Variants in SPAG16 observed in about 807,000 individuals in gnomAD.
SPAG16 encodes the protein sperm-associated antigen 16 protein.
Under a neutral mutation model 80.4 loss-of-function variants are expected in SPAG16, and 86 were observed. The observed-to-expected ratio is 1.07, with a 90% CI of 0.90 to 1.28. SPAG16 has a LOEUF of 1.28. SPAG16 is among the 50% of genes most tolerant of loss of function. SPAG16 has a pLI of 0.00. For synonymous variants in SPAG16, 294 were observed against 265.9 expected, an observed-to-expected ratio of 1.11 and a Z score of -1.03; for missense variants, 870 against 765.3, an observed-to-expected ratio of 1.14 and a Z score of -1.61.
chr2:213,795,754 T>C (rs956802204), intron 10 of SPAG16, among the ~76,000 whole-genome samples: 1 of 152,148 alleles, frequency 6.6e-6, no homozygotes, highest in African/African-American at 2.4e-5. Flanking sequence ...TGTTTAAAAG[T>C]GTGTAGCATC....
At chr2:213,510,961 T>C (rs2075201656) in intron 10 of SPAG16, among the ~76,000 whole-genome samples, 1 of 152,156 alleles carries the variant, frequency 6.6e-6, no homozygotes, top group Admixed American at 6.5e-5. Flanking sequence ...TAAGTAATTC[T>C]GGTTTATAAA....
chr2:213,594,478 G>A (rs955046313), intron 10 of SPAG16, among the ~76,000 whole-genome samples: 1 of 152,132 alleles, frequency 6.6e-6, no homozygotes, highest in Non-Finnish European at 1.5e-5. Flanking sequence ...TATGACTGTT[G>A]TTTCATGCAT....
chr2:213,652,893 G>T (rs1381127935), intron 10 of SPAG16, among the ~76,000 whole-genome samples: 1 of 152,108 alleles, frequency 6.6e-6, no homozygotes. Flanking sequence ...TCATGATTCT[G>T]TGTCATGTCT....
chr2:213,883,422 G>A (rs11693135), intron 11 of SPAG16, among the ~76,000 whole-genome samples: 4,135 of 152,242 alleles, frequency 0.027, 78 homozygotes, highest in Middle Eastern at 0.044. Flanking sequence ...CTTGCTTCAT[G>A]ACCAATTATG....
rs573725273 is a variant in SPAG16, at chr2:214,307,634, C to T, written c.1721-102506C>T. On this transcript the variant is annotated intron_variant, in intron 15 of 15. Transcript: ENST00000331683. ...TCTCAAAGAACTTCTTGACTTCTATCTTAATTTCATTATTTACCCAAAAGT... is the reference window on the plus strand; with the variant it reads ...TCTCAAAGAACTTCTTGACTTCTATTTTAATTTCATTATTTACCCAAAAGT... Among the ~76,000 whole-genome samples, 4 of 152,242 alleles carry T rather than the reference C, an allele frequency of 2.6e-5. No individual in the cohort carries two copies. In the East Asian group the frequency reaches 7.7e-4, roughly 29 times the overall value.
intron 10 of SPAG16, among the ~76,000 whole-genome samples, chr2:213,553,699 G>A (rs576233010): frequency 6.6e-5 from 10 of 152,210 alleles, no homozygotes; most frequent in East Asian, 3.9e-4. Context: ...TACAATAGGC[G>A]TGATCATGTT....
At chr2:213,705,103 A>G (rs543970717) in intron 10 of SPAG16, among the ~76,000 whole-genome samples, 9 of 151,884 alleles carry the variant, frequency 5.9e-5, no homozygotes, top group Non-Finnish European at 1.3e-4. Context: ...AAAAACAAAA[A>G]ACAAAAATTA....
At chr2:214,125,610 AAT>A (rs1343709488) in intron 14 of SPAG16, among the ~76,000 whole-genome samples, 1 of 151,728 alleles carries the variant, frequency 6.6e-6, no homozygotes, top group Admixed American at 6.7e-5. Flanking sequence ...ATTTTAGTTA[AAT>A]ATATATAGCT....
intron 10 of SPAG16, among the ~76,000 whole-genome samples, chr2:213,643,840 G>A (rs2125123331): frequency 7.3e-6 from 1 of 136,302 alleles, no homozygotes; most frequent in African/African-American, 2.9e-5. Flanking sequence ...GAGTGCAGTG[G>A]TGCAATCTTG....
chr2:213,517,740 C>T (rs534212067), intron 10 of SPAG16, among the ~76,000 whole-genome samples: 9 of 152,028 alleles, frequency 5.9e-5, no homozygotes, highest in African/African-American at 1.2e-4. Context: ...CTGGGACAAT[C>T]GGCCCGTTAT....
intron 3 of SPAG16, among the ~76,000 whole-genome samples, chr2:213,308,966 A>G (rs1469668500): frequency 6.6e-6 from 1 of 152,160 alleles, no homozygotes; most frequent in Non-Finnish European, 1.5e-5. Flanking sequence ...ACCCAGTTAT[A>G]AACATGAAAT....
intron 10 of SPAG16, among the ~76,000 whole-genome samples, chr2:213,689,528 CTTTTTTTTTTTTTTT>C (rs397873153): frequency 9.2e-5 from 5 of 54,242 alleles, no homozygotes; most frequent in Non-Finnish European, 1.6e-4. Flanking sequence ...AGTGCTGGGG[CTTTTTTTTTTTTTTT>C]TTTTTTTTTT....
intron 15 of SPAG16, among the ~76,000 whole-genome samples, chr2:214,307,322 A>AT (rs1694987470): frequency 2.0e-5 from 3 of 150,620 alleles, no homozygotes; most frequent in Admixed American, 1.3e-4. Flanking sequence ...TATTTTATTA[A>AT]TTTTTTCCAA....
At chr2:213,289,421 C>T (rs539334440) in intron 1 of SPAG16, among the ~76,000 whole-genome samples, 1 of 152,234 alleles carries the variant, frequency 6.6e-6, no homozygotes, top group East Asian at 1.9e-4. Context: ...AGTACATTTC[C>T]ACTCTTGCCA....
In SPAG16 at chr2:214,013,975, T is replaced by G. The variant is rs762489796; in HGVS notation, c.1425T>G (p.Tyr475Ter). The G allele has an allele frequency of 1.2e-6, 2 of 1,612,680 alleles. No homozygotes were observed. Among genetic ancestry groups the G allele is most frequent in the Non-Finnish European group, 1.7e-6 (2 of 1,178,996 alleles). The change falls in exon 13 of 16, where the codon TAT becomes TAG. Residue 475 changes from tyrosine (Y) to a stop codon, truncating the protein, a stop_gained. Transcript: ENST00000331683. LOFTEE classifies it high-confidence loss of function. ...GTGAAAGATGCAGATGTACTTTGTA[T>G]GGACATACAGATTCTGTGAACAGCA... ...VNSERCRCTL[Y>*]GHTDSVNSIE...
At chr2:214,405,715 T>C (rs982212877) in intron 15 of SPAG16, among the ~76,000 whole-genome samples, 1 of 152,080 alleles carries the variant, frequency 6.6e-6, no homozygotes, top group Non-Finnish European at 1.5e-5. Flanking sequence ...GAGAATCACT[T>C]AAACCCGGGA....
At chr2:213,976,094 T>C (rs575162686) in intron 12 of SPAG16, among the ~76,000 whole-genome samples, 68 of 135,230 alleles carry the variant, frequency 5.0e-4, no homozygotes, top group Non-Finnish European at 8.4e-4. Context: ...GTGAGTGATC[T>C]AAGACAGTGA....
chr2:213,545,895 A>G (rs2076595775), intron 10 of SPAG16, among the ~76,000 whole-genome samples: 1 of 152,110 alleles, frequency 6.6e-6, no homozygotes, highest in African/African-American at 2.4e-5. Context: ...CACCTTCCAT[A>G]TACGAACTTC....
At chr2:213,347,531 A>G (rs2065067289) in intron 6 of SPAG16, among the ~76,000 whole-genome samples, 1 of 152,180 alleles carries the variant, frequency 6.6e-6, no homozygotes, top group Non-Finnish European at 1.5e-5. Context: ...TTAGTGCTAT[A>G]AATTTTCCTC....
Sources: gnomAD v4.1 joint callset for allele counts (sites outside exome capture counted in the v4.1 genomes callset) on GRCh38, gnomAD v4.1.1 for gene constraint, MANE v1.5 for transcripts, NCBI Gene and HGNC (gene_info 2026-07-23, HGNC 2026-07-21) for gene names.